The following BCL2L11 variants were observed in gnomAD, a reference collection of about 807,000 sequenced individuals.
The protein encoded by BCL2L11 is bcl-2-like protein 11.
A neutral mutation model predicts 20.6 loss-of-function variants in BCL2L11; 15 were observed. The ratio of observed to expected loss-of-function variants is 0.73; its 90% CI spans 0.49 to 1.12. BCL2L11 has a LOEUF of 1.12. Ranked by LOEUF, BCL2L11 falls within the 50% of genes most tolerant of loss-of-function variation. BCL2L11 has a pLI of 0.00. For synonymous variants in BCL2L11, 108 were observed against 92.8 expected, an observed-to-expected ratio of 1.16 and a Z score of -0.94; for missense variants, 292 against 260.9, an observed-to-expected ratio of 1.12 and a Z score of -0.82.
At chr2:111,135,696 C>T (rs1285167096) in intron 2 of BCL2L11, among the ~76,000 whole-genome samples, 2 of 152,202 alleles carry the variant, frequency 1.3e-5, no homozygotes, top group Non-Finnish European at 2.9e-5. Flanking sequence ...ACACCCAAGG[C>T]TGGGGCTGGG....
chr2:111,163,886 T>C (rs2078875876), intron 3 of BCL2L11, among the ~76,000 whole-genome samples: 1 of 145,656 alleles, frequency 6.9e-6, no homozygotes, highest in Non-Finnish European at 1.5e-5. Flanking sequence ...TTTTTTTTCC[T>C]ATTTTAAGGA....
chr2:111,122,604 C>CCGG (rs1305518679), intron 1 of BCL2L11: 10 of 984,232 alleles, frequency 1.0e-5, no homozygotes, highest in Admixed American at 6.2e-5. Flanking sequence ...GTCGGCGGTG[C>CCGG]CGGCGGCGGC....
Position 111,121,059 on chromosome 2 carries a change from C to T in BCL2L11, c.-143C>T, listed in dbSNP as rs1399052378. The T allele has an allele frequency of 1.4e-5, 5 of 360,532 alleles. No individual in the cohort carries two copies. Among genetic ancestry groups the T allele is most frequent in the African/African-American group, 8.8e-5 (4 of 45,298 alleles). 22.3% of individuals were successfully genotyped at this position (360,532 alleles called of 1,614,324 possible). A position where few individuals can be genotyped will look rare whatever the true frequency, so the allele number is the denominator to read the frequency against. ...TGATTCTTGCAGCCACCCTGCGAAC[C>T]CTGCCACACTGCGATCGCATCATCG... On this transcript the variant is annotated 5_prime_UTR_variant, in exon 1 of 4. Transcript: ENST00000393256.
intron 2 of BCL2L11, among the ~76,000 whole-genome samples, chr2:111,147,467 C>T (rs2076709958): frequency 1.3e-5 from 2 of 152,014 alleles, no homozygotes; most frequent in South Asian, 4.1e-4. Flanking sequence ...ATGTTAACTA[C>T]TGAACTTTTC....
intron 3 of BCL2L11, among the ~76,000 whole-genome samples, chr2:111,155,119 T>C (rs1017354337): frequency 4.8e-4 from 73 of 152,322 alleles, no homozygotes; most frequent in African/African-American, 1.6e-3. Context: ...AGGGAGGCTA[T>C]TGGTAAAGGC....
chr2:111,137,936 A>G (rs2075185841), intron 2 of BCL2L11, among the ~76,000 whole-genome samples: 1 of 152,040 alleles, frequency 6.6e-6, no homozygotes, highest in Non-Finnish European at 1.5e-5. Context: ...AGAATACATT[A>G]AACTGTCAGT....
At chr2:111,128,555 C>A in intron 2 of BCL2L11, 1 of 1,423,670 alleles carries the variant, frequency 7.0e-7, no homozygotes, top group South Asian at 1.6e-5. Context: ...TTTTACATTC[C>A]CACCAACAGG....
chr2:111,160,678 C>T (rs1477402373), intron 3 of BCL2L11, among the ~76,000 whole-genome samples: 3 of 152,118 alleles, frequency 2.0e-5, no homozygotes, highest in Non-Finnish European at 2.9e-5. Context: ...TGTGTGTCTG[C>T]GTAGAGAAAG....
chr2:111,161,381 T>C, intron 3 of BCL2L11: 3 of 1,549,086 alleles, frequency 1.9e-6, no homozygotes, highest in African/African-American at 2.7e-5. Context: ...TTACCCAGTT[T>C]GGGAGTGGCA....
intron 1 of BCL2L11, among the ~76,000 whole-genome samples, chr2:111,122,439 A>T (rs2071261660): frequency 6.6e-6 from 1 of 152,192 alleles, no homozygotes; most frequent in Non-Finnish European, 1.5e-5. Context: ...CGGCCAGAGC[A>T]GCGCTCGGAG....
At chr2:111,156,913 T>C (rs772995115) in intron 3 of BCL2L11, among the ~76,000 whole-genome samples, 4 of 152,202 alleles carry the variant, frequency 2.6e-5, no homozygotes, top group Non-Finnish European at 4.4e-5. Context: ...CTTCGGCGTT[T>C]AGAAAGGGAG....
Position 111,167,456 on chromosome 2 carries a change from C to G in BCL2L11, c.*3225C>G, listed in dbSNP as rs2079076175. On this transcript the variant is annotated 3_prime_UTR_variant, in exon 4 of 4. Coordinates refer to ENST00000393256, the MANE Select transcript of BCL2L11 (RefSeq NM_138621.5). ...AAATTTTGCTGACTCCAGGCTTTAT[C>G]TTTAGGAAAACAAAAAAACCAAAGT... The G allele has an allele frequency of 6.6e-6, 1 of 152,280 alleles. No individual in the cohort carries two copies. Among genetic ancestry groups the G allele is most frequent in the Non-Finnish European group, 1.5e-5 (1 of 68,040 alleles). The allele number at this position is 152,280 out of a possible 1,614,324, so 9.4% of individuals were successfully genotyped here.
intron 1 of BCL2L11, chr2:111,123,495 T>C (rs900951661): frequency 1.0e-6 from 1 of 985,362 alleles, no homozygotes; most frequent in Non-Finnish European, 1.2e-6. Flanking sequence ...TGTGCACCAG[T>C]TCCGCAAGCT....
intron 2 of BCL2L11, among the ~76,000 whole-genome samples, chr2:111,147,327 ATC>A (rs367737247): frequency 2.9e-4 from 36 of 125,902 alleles, no homozygotes; most frequent in South Asian, 1.0e-3. Context: ...AGCCTCCTGT[ATC>A]TCTCTCTCTC....
intron 2 of BCL2L11, among the ~76,000 whole-genome samples, chr2:111,145,076 G>A (rs761323183): frequency 2.0e-5 from 3 of 152,166 alleles, no homozygotes; most frequent in Non-Finnish European, 4.4e-5. Context: ...GATTCTACTC[G>A]AGTGTTTGTA....
chr2:111,124,742 C>G (rs935700764), intron 2 of BCL2L11, among the ~76,000 whole-genome samples: 1 of 151,964 alleles, frequency 6.6e-6, no homozygotes, highest in Admixed American at 6.5e-5. Flanking sequence ...GGGAACTGAT[C>G]ATTTACAGAA....
At chr2:111,153,915 A>G (rs1465638611) in intron 3 of BCL2L11, 38 of 1,535,992 alleles carry the variant, frequency 2.5e-5, no homozygotes, top group Non-Finnish European at 3.3e-5. Flanking sequence ...GTGAGCGCAA[A>G]GTCCCAGTGC....
At chr2:111,147,206 A>G (rs906147656) in intron 2 of BCL2L11, among the ~76,000 whole-genome samples, 4 of 152,118 alleles carry the variant, frequency 2.6e-5, no homozygotes, top group African/African-American at 9.7e-5. Context: ...TGAAATGCTA[A>G]AGACACATCT....
At chr2:111,154,997 G>A (rs57016734) in intron 3 of BCL2L11, among the ~76,000 whole-genome samples, 5,005 of 152,236 alleles carry the variant, frequency 0.033, 303 homozygotes, top group African/African-American at 0.11. Context: ...CATTTGTTGC[G>A]GAATGAACTT....
Sources: allele counts gnomAD v4.1 joint callset (sites outside exome capture counted in the v4.1 genomes callset), GRCh38; gene constraint gnomAD v4.1.1; transcripts MANE v1.5; gene names NCBI Gene and HGNC (gene_info 2026-07-23, HGNC 2026-07-21).